Variants in EDIL3 observed in about 807,000 individuals in gnomAD.
EDIL3 encodes EGF like and discoidin domains 3.
In EDIL3, 37 loss-of-function variants were observed where a neutral mutation model predicts 67.4. The observed-to-expected ratio is 0.55, with a 90% CI of 0.42 to 0.72. The LOEUF is 0.72. Among genes scored for constraint, EDIL3 ranks in the 30% least tolerant of loss-of-function variants. EDIL3 has a pLI of 0.00. For synonymous variants in EDIL3, 195 were observed against 196.3 expected, an observed-to-expected ratio of 0.99 and a Z score of 0.05; for missense variants, 527 against 586.3, an observed-to-expected ratio of 0.90 and a Z score of 1.04.
intron 9 of EDIL3, among the ~76,000 whole-genome samples, chr5:84,024,333 G>T (rs1376545550): frequency 6.6e-6 from 1 of 152,104 alleles, no homozygotes; most frequent in Admixed American, 6.6e-5. Flanking sequence ...GAACAACCAA[G>T]AAAAATGTTT....
At chr5:84,307,223 A>C (rs1746290092) in intron 1 of EDIL3, among the ~76,000 whole-genome samples, 1 of 152,232 alleles carries the variant, frequency 6.6e-6, no homozygotes, top group African/African-American at 2.4e-5. Flanking sequence ...AAGTGAATCC[A>C]ATCCGCATCT....
At chr5:84,011,909 A>G (rs1345041774) in intron 9 of EDIL3, among the ~76,000 whole-genome samples, 3 of 152,002 alleles carry the variant, frequency 2.0e-5, no homozygotes, top group East Asian at 1.9e-4. Context: ...CATTTACTTT[A>G]TGGCACTTTT....
intron 1 of EDIL3, among the ~76,000 whole-genome samples, chr5:84,293,732 T>C (rs1300417677): frequency 2.6e-5 from 4 of 151,496 alleles, no homozygotes; most frequent in East Asian, 1.9e-4. Context: ...GGAGGGGGGA[T>C]TGTGGCTAGA....
chr5:84,206,781 A>G (rs1104324), intron 3 of EDIL3, among the ~76,000 whole-genome samples: 83,744 of 151,604 alleles, frequency 0.55, 23,334 homozygotes, highest in East Asian at 0.72. Context: ...TATAAACAGA[A>G]CCAAAGACAA....
At chr5:84,325,255 A>G (rs1746734878) in intron 1 of EDIL3, among the ~76,000 whole-genome samples, 1 of 151,962 alleles carries the variant, frequency 6.6e-6, no homozygotes, top group Admixed American at 6.6e-5. Context: ...CAGAATGTAT[A>G]GTGAATTCTT....
intron 9 of EDIL3, among the ~76,000 whole-genome samples, chr5:84,011,910 T>C (rs1429216455): frequency 6.6e-6 from 1 of 152,188 alleles, no homozygotes; most frequent in African/African-American, 2.4e-5. Context: ...ATTTACTTTA[T>C]GGCACTTTTC....
chr5:84,233,601 GT>G (rs1448541418), intron 2 of EDIL3, among the ~76,000 whole-genome samples: 2 of 152,146 alleles, frequency 1.3e-5, no homozygotes, highest in African/African-American at 2.4e-5. Context: ...TAAATGGTCT[GT>G]ATCTCAGAAC....
At chr5:84,249,858 C>A (rs1247633434) in intron 2 of EDIL3, among the ~76,000 whole-genome samples, 1 of 151,826 alleles carries the variant, frequency 6.6e-6, no homozygotes, top group Non-Finnish European at 1.5e-5. Context: ...ACTTTGGGAG[C>A]CAAGGTGGGT....
chr5:84,363,485 T>C (rs556297334), intron 1 of EDIL3, among the ~76,000 whole-genome samples: 1 of 151,820 alleles, frequency 6.6e-6, no homozygotes, highest in South Asian at 2.1e-4. Flanking sequence ...AAATAAGTTA[T>C]AGTCCATATA....
At chr5:84,202,689 T>A (rs1280375452) in intron 3 of EDIL3, among the ~76,000 whole-genome samples, 2 of 152,192 alleles carry the variant, frequency 1.3e-5, no homozygotes, top group African/African-American at 4.8e-5. Context: ...ATATTTATTT[T>A]TGCCCTGAGG....
chr5:83,971,020 T>G (rs1744782334), intron 9 of EDIL3, among the ~76,000 whole-genome samples: 1 of 151,624 alleles, frequency 6.6e-6, no homozygotes, highest in South Asian at 2.1e-4. Flanking sequence ...TCTGAGGTTT[T>G]TTTTTGTAAT....
chr5:84,215,276 C>T (rs538912611), intron 3 of EDIL3, among the ~76,000 whole-genome samples: 139 of 151,600 alleles, frequency 9.2e-4, no homozygotes, highest in African/African-American at 3.2e-3. Flanking sequence ...TTTCTTGAGA[C>T]GGAGTTTTGC....
chr5:84,365,376 C>G (rs992679073), intron 1 of EDIL3, among the ~76,000 whole-genome samples: 3 of 152,184 alleles, frequency 2.0e-5, no homozygotes, highest in Middle Eastern at 3.4e-3. Flanking sequence ...TGAGTTCCAC[C>G]TTTAAAAAAT....
intron 6 of EDIL3, among the ~76,000 whole-genome samples, chr5:84,081,925 A>G (rs553081840): frequency 6.6e-6 from 1 of 152,374 alleles, no homozygotes; most frequent in East Asian, 1.9e-4. Context: ...GGCATTTGCC[A>G]TCACACTGAG....
intron 1 of EDIL3, among the ~76,000 whole-genome samples, chr5:84,319,423 C>T (rs2112153467): frequency 1.1e-5 from 1 of 87,900 alleles, no homozygotes; most frequent in African/African-American, 4.1e-5. Flanking sequence ...GAGATCGCGC[C>T]ACAGCACTCC....
intron 9 of EDIL3, among the ~76,000 whole-genome samples, chr5:84,030,549 G>C (rs922857811): frequency 4.6e-5 from 7 of 152,018 alleles, no homozygotes; most frequent in Non-Finnish European, 7.4e-5. Context: ...TTATTCCTAG[G>C]GCTGTATTTA....
At chr5:84,120,679 T>C (rs960505412) in intron 5 of EDIL3, among the ~76,000 whole-genome samples, 1 of 152,030 alleles carries the variant, frequency 6.6e-6, no homozygotes, top group African/African-American at 2.4e-5. Flanking sequence ...AATATCATCC[T>C]GACTGGAAGA....
At chr5:84,007,395 G>C (rs916413649) in intron 9 of EDIL3, among the ~76,000 whole-genome samples, 1 of 152,010 alleles carries the variant, frequency 6.6e-6, no homozygotes, top group African/African-American at 2.4e-5. Flanking sequence ...TTAATAACCA[G>C]AATACATAAG....
intron 9 of EDIL3, among the ~76,000 whole-genome samples, chr5:83,983,755 T>C (rs1745012070): frequency 6.6e-6 from 1 of 150,950 alleles, no homozygotes; most frequent in Non-Finnish European, 1.5e-5. Flanking sequence ...TTTTTTTTTT[T>C]TTTTCACTGT....
Sources: gnomAD v4.1 joint callset for allele counts (sites outside exome capture counted in the v4.1 genomes callset) on GRCh38, gnomAD v4.1.1 for gene constraint, MANE v1.5 for transcripts, NCBI Gene and HGNC (gene_info 2026-07-23, HGNC 2026-07-21) for gene names.